Variants in ANKS1B observed in about 807,000 individuals in gnomAD.
ANKS1B encodes the protein ankyrin repeat and sterile alpha motif domain-containing protein 1B.
ANKS1B carries 36 observed loss-of-function variants against 148.3 expected under a neutral mutation model. The observed-to-expected ratio is 0.24, with a 90% CI of 0.19 to 0.32. ANKS1B has a LOEUF of 0.32. ANKS1B is among the 10% of genes least tolerant of loss of function. The pLI is 1.00. For missense variants in ANKS1B, 1,157 were observed against 1,542.6 expected (o/e 0.75, Z 4.19); for synonymous variants, 542 against 560.8 (o/e 0.97, Z 0.47).
At chr12:99,103,319 T>C (rs577462729) in intron 15 of ANKS1B, among the ~76,000 whole-genome samples, 1 of 152,314 alleles carries the variant, frequency 6.6e-6, no homozygotes, top group South Asian at 2.1e-4. Flanking sequence ...TAGTCTTACC[T>C]TGACGCCCCT....
chr12:99,196,723 A>AT (rs772227805), intron 14 of ANKS1B, among the ~76,000 whole-genome samples: 12 of 151,916 alleles, frequency 7.9e-5, no homozygotes, highest in Non-Finnish European at 5.9e-5. Context: ...TGCTGCACCC[A>AT]TTAACTCGTC....
chr12:99,653,894 G>A (rs1455833480), intron 9 of ANKS1B, among the ~76,000 whole-genome samples: 1 of 151,758 alleles, frequency 6.6e-6, no homozygotes, highest in East Asian at 1.9e-4. Context: ...GAACTTCTGG[G>A]CTCAAGCAAT....
At chr12:98,946,045 T>C (rs920716533) in intron 17 of ANKS1B, among the ~76,000 whole-genome samples, 5 of 152,206 alleles carry the variant, frequency 3.3e-5, no homozygotes, top group African/African-American at 7.2e-5. Context: ...GTCAAGCCAA[T>C]TGTGGTTTTT....
At chr12:99,058,760 C>T (rs1255083434) in intron 16 of ANKS1B, among the ~76,000 whole-genome samples, 2 of 99,446 alleles carry the variant, frequency 2.0e-5, no homozygotes, top group African/African-American at 4.0e-5. Flanking sequence ...TTTTTTGAGA[C>T]GGAGTCTCGC....
At chr12:99,109,974 G>A (rs919918192) in intron 15 of ANKS1B, among the ~76,000 whole-genome samples, 1 of 152,124 alleles carries the variant, frequency 6.6e-6, no homozygotes, top group South Asian at 2.1e-4. Flanking sequence ...CCCAGAGAAG[G>A]GAACACCAGC....
chr12:99,469,977 G>C (rs188788417), intron 10 of ANKS1B, among the ~76,000 whole-genome samples: 49 of 151,958 alleles, frequency 3.2e-4, no homozygotes, highest in Admixed American at 1.8e-3. Flanking sequence ...AAATTAGTGG[G>C]ATTTGGTGGT....
At chr12:99,535,323 A>G (rs2097054556) in intron 9 of ANKS1B, among the ~76,000 whole-genome samples, 1 of 152,186 alleles carries the variant, frequency 6.6e-6, no homozygotes, top group Admixed American at 6.5e-5. Context: ...ACCAAGTCCC[A>G]TGATTGGTCC....
chr12:98,815,211 C>T (rs2099129860), intron 19 of ANKS1B, among the ~76,000 whole-genome samples: 2 of 152,182 alleles, frequency 1.3e-5, no homozygotes, highest in Admixed American at 6.5e-5. Context: ...CCAACATCAC[C>T]CTCGGTTTCC....
chr12:98,869,152 T>A (rs1169989587), intron 17 of ANKS1B, among the ~76,000 whole-genome samples: 1 of 152,190 alleles, frequency 6.6e-6, no homozygotes, highest in Non-Finnish European at 1.5e-5. Context: ...CCAAAGACAC[T>A]CAAACCATAA....
chr12:98,744,827 CTG>C lies in ANKS1B; in HGVS notation c.*910_*911del. On this transcript the variant is annotated 3_prime_UTR_variant, in exon 27 of 27. Transcript: ENST00000683438. The stretch of plus-strand genomic sequence containing the variant: ...TTTTTTTAACATGTTCTTTAAAACA[CTG>C]TGAAGATTAAAAAACAATCTTGGCA... 2 of 984,526 alleles carry C rather than the reference CTG, an allele frequency of 2.0e-6. No homozygotes were observed. The highest frequency in any genetic ancestry group is 9.4e-5 in the South Asian group (2 of 21,252). 61.0% of individuals were successfully genotyped at this position (984,526 alleles called of 1,614,324 possible).
At chr12:99,661,329 A>G (rs2098476512) in intron 8 of ANKS1B, among the ~76,000 whole-genome samples, 1 of 152,196 alleles carries the variant, frequency 6.6e-6, no homozygotes, top group Admixed American at 6.5e-5. Flanking sequence ...TTATGTCTTT[A>G]GATGAATGCA....
intron 5 of ANKS1B, among the ~76,000 whole-genome samples, 157 bp from the exon 6 acceptor site, chr12:99,780,129 A>G (rs2064105610): frequency 6.6e-6 from 1 of 150,918 alleles, no homozygotes; most frequent in African/African-American, 2.4e-5. Context: ...ACACACACAC[A>G]TGCGCACACA....
chr12:99,595,892 T>G (rs74908810), intron 9 of ANKS1B, among the ~76,000 whole-genome samples: 1,691 of 152,000 alleles, frequency 0.011, 49 homozygotes, highest in African/African-American at 0.039. Flanking sequence ...ACAACCTAAG[T>G]TTTTGTAAGT....
intron 17 of ANKS1B, among the ~76,000 whole-genome samples, chr12:98,887,312 T>C (rs1192567576): frequency 6.6e-6 from 1 of 151,898 alleles, no homozygotes; most frequent in Middle Eastern, 3.2e-3. Flanking sequence ...CCAAGGTTTT[T>C]TATCTACACA....
Position 99,075,121 on chromosome 12 carries a change from T to G in ANKS1B, c.2625+9804A>C, listed in dbSNP as rs182125918. ...ATGTTTCTGGCACAGAATGACTAGA[T>G]TCTCAGGAATTCTATCACATATTCC... On this transcript the variant is annotated intron_variant, in intron 16 of 26. Coordinates refer to ENST00000683438, the MANE Select transcript of ANKS1B (RefSeq NM_001352186.2). 1.1e-3 allele frequency among the ~76,000 whole-genome samples: 167 copies of G among 152,292 alleles called. 2 individuals are homozygous for G. In the Middle Eastern group the frequency reaches 0.027, roughly 25 times the overall value.
At chr12:99,736,942 T>C (rs548286303) in intron 8 of ANKS1B, among the ~76,000 whole-genome samples, 2 of 152,030 alleles carry the variant, frequency 1.3e-5, no homozygotes, top group East Asian at 3.9e-4. Context: ...ATATGGAAAA[T>C]GTCAACATCA....
chr12:99,285,386 C>T lies in ANKS1B; in HGVS notation c.1757-38522G>A, dbSNP rs145346110. 1.2e-3 allele frequency among the ~76,000 whole-genome samples: 184 copies of T among 152,210 alleles called. 1 individual carries two copies. The highest frequency in any genetic ancestry group is 9.1e-3 in the South Asian group (44 of 4,818). On this transcript the variant is annotated intron_variant, in intron 12 of 26. Transcript: ENST00000683438. The stretch of plus-strand genomic sequence containing the variant: ...CTACTGATGAACATTTGGTTTGCTG[C>T]CAGGTTTTGTCTATTAGAAATAAAG...
intron 17 of ANKS1B, among the ~76,000 whole-genome samples, chr12:98,909,201 T>C (rs1484039596): frequency 6.6e-6 from 1 of 152,172 alleles, no homozygotes; most frequent in African/African-American, 2.4e-5. Flanking sequence ...TATATATGTA[T>C]ATTCTGTTTG....
At chr12:99,676,167 C>T (rs1324244894) in intron 8 of ANKS1B, among the ~76,000 whole-genome samples, 2 of 152,080 alleles carry the variant, frequency 1.3e-5, no homozygotes, top group African/African-American at 2.4e-5. Context: ...ATGTTTGCTT[C>T]CCCTTCTGCC....
Sources: allele counts gnomAD v4.1 joint callset (sites outside exome capture counted in the v4.1 genomes callset), GRCh38; gene constraint gnomAD v4.1.1; transcripts MANE v1.5; gene names NCBI Gene and HGNC (gene_info 2026-07-23, HGNC 2026-07-21).